Variants in CYTH3 observed in about 807,000 individuals in gnomAD.
The protein encoded by CYTH3 is cytohesin 3.
A neutral mutation model predicts 55.1 loss-of-function variants in CYTH3; 23 were observed. The ratio of observed to expected loss-of-function variants is 0.42; its 90% CI spans 0.30 to 0.59. CYTH3 has a LOEUF of 0.59. CYTH3 is among the 20% of genes least tolerant of loss of function. The pLI is 0.20. For missense variants in CYTH3, 413 were observed against 524.8 expected, an observed-to-expected ratio of 0.79 and a Z score of 2.08; for synonymous variants, 249 against 194.9, an observed-to-expected ratio of 1.28 and a Z score of -2.31.
intron 1 of CYTH3, among the ~76,000 whole-genome samples, chr7:6,206,666 G>C (rs1246707857): frequency 1.3e-5 from 2 of 152,152 alleles, no homozygotes; most frequent in Non-Finnish European, 2.9e-5. Flanking sequence ...ATCCTTAACA[G>C]AAGAAGGGAA....
In CYTH3 at chr7:6,165,254, C is replaced by A. The variant is rs374730483; in HGVS notation, c.1127+19G>T. 1 of 1,599,106 alleles carries A rather than the reference C, an allele frequency of 6.3e-7. No homozygotes were observed. Among genetic ancestry groups the A allele is most frequent in the Non-Finnish European group, 8.5e-7 (1 of 1,172,648 alleles). On this transcript the variant is annotated intron_variant, in intron 12 of 12. Transcript: ENST00000350796. ...GCACGAGAAGACGGGCCTGGCCCCG[C>A]CCCCGAGGCCCCACTCACTTGATGG...
intron 4 of CYTH3, among the ~76,000 whole-genome samples, chr7:6,180,421 A>T (rs1376349457): frequency 1.3e-5 from 2 of 152,198 alleles, no homozygotes; most frequent in Non-Finnish European, 2.9e-5. Flanking sequence ...CAGAGAGGAG[A>T]AGGTGCAGAG....
In CYTH3 at chr7:6,170,490, TG is replaced by T; in HGVS notation, c.823+44del. On this transcript the variant is annotated intron_variant, in intron 9 of 12. Coordinates refer to ENST00000350796, the MANE Select transcript of CYTH3 (RefSeq NM_004227.4). This position sits in a 1 kb window ranked among gnomAD's most constrained non-coding sequence, Gnocchi z 7.8. Reference sequence around the variant, plus strand: ...GGAGGAACCCGAGGGGCTGCTGCCATGGGCAGAGGGGTCACGCCCGGGTCCC... The same window carrying T: ...GGAGGAACCCGAGGGGCTGCTGCCATGGCAGAGGGGTCACGCCCGGGTCCC... 1 of 1,565,552 alleles carries T rather than the reference TG, an allele frequency of 6.4e-7. No individual in the cohort carries two copies. Among genetic ancestry groups the T allele is most frequent in the Non-Finnish European group, 8.8e-7 (1 of 1,142,298 alleles).
intron 1 of CYTH3, among the ~76,000 whole-genome samples, chr7:6,232,623 G>A (rs1583182748): frequency 3.9e-5 from 6 of 152,240 alleles, no homozygotes; most frequent in Admixed American, 3.9e-4. Flanking sequence ...CATTTTGCCA[G>A]TGCCAGCAAC....
intron 1 of CYTH3, among the ~76,000 whole-genome samples, chr7:6,230,155 A>T (rs1378620817): frequency 6.6e-6 from 1 of 152,192 alleles, no homozygotes; most frequent in Non-Finnish European, 1.5e-5. Context: ...AAAAATAAAC[A>T]TAAAATAAAA....
chr7:6,202,045 C>A (rs1342082619), intron 1 of CYTH3, among the ~76,000 whole-genome samples: 4 of 152,184 alleles, frequency 2.6e-5, no homozygotes, highest in African/African-American at 9.7e-5. Flanking sequence ...TGAGGTTCCT[C>A]CTCTCAAGAA....
Position 6,221,067 on chromosome 7 carries a change from G to A in CYTH3, c.35-30536C>T, listed in dbSNP as rs545317637. Among the ~76,000 whole-genome samples the A allele has an allele frequency of 4.5e-4, 68 of 151,756 alleles. 1 individual carries two copies. The highest frequency in any genetic ancestry group is 1.5e-3 in the African/African-American group (64 of 41,436). The stretch of plus-strand genomic sequence containing the variant: ...ACCTGAGAAATTTATTTATTCCAGA[G>A]AAATTAAAATGTATGCCCACACAAA... On this transcript the variant is annotated intron_variant, in intron 1 of 12. Coordinates refer to ENST00000350796, the MANE Select transcript of CYTH3 (RefSeq NM_004227.4).
intron 1 of CYTH3, among the ~76,000 whole-genome samples, chr7:6,267,228 C>A (rs1780520898): frequency 6.6e-6 from 1 of 152,170 alleles, no homozygotes; most frequent in Non-Finnish European, 1.5e-5. Context: ...AACCATGAGT[C>A]CATGAAACCT....
chr7:6,172,387 C>A (rs981616529), intron 6 of CYTH3, among the ~76,000 whole-genome samples: 3 of 151,968 alleles, frequency 2.0e-5, no homozygotes, highest in Non-Finnish European at 4.4e-5. Context: ...ACCCCTCCTC[C>A]ACCCCTCACT....
chr7:6,174,003 A>G (rs1314917360), intron 5 of CYTH3, among the ~76,000 whole-genome samples: 1 of 151,790 alleles, frequency 6.6e-6, no homozygotes, highest in Non-Finnish European at 1.5e-5. Flanking sequence ...ACCTGGCCAC[A>G]TTTTTATTTC....
At position 6,163,071 on chromosome 7, in the gene CYTH3, C is replaced by T. The variant is rs1261482230; in HGVS notation, c.*1873G>A. ...TTGCCTTTCTCAGAACTAAAACTTCCGATTTGAGGTATCAGTAACAAAGCC... is the reference window on the plus strand; with the variant it reads ...TTGCCTTTCTCAGAACTAAAACTTCTGATTTGAGGTATCAGTAACAAAGCC... On this transcript the variant is annotated 3_prime_UTR_variant, in exon 13 of 13. Transcript: ENST00000350796. 4 of 152,692 alleles carry T rather than the reference C, an allele frequency of 2.6e-5. No homozygotes were observed. The highest frequency in any genetic ancestry group is 4.4e-5 in the Non-Finnish European group (3 of 68,066). The allele number at this position is 152,692 out of a possible 1,614,324, so 9.5% of individuals were successfully genotyped here. A position where few individuals can be genotyped will look rare whatever the true frequency, so the allele number is the denominator to read the frequency against.
At chr7:6,174,237 C>T (rs1485705663) in intron 5 of CYTH3, among the ~76,000 whole-genome samples, 2 of 152,082 alleles carry the variant, frequency 1.3e-5, no homozygotes, top group Admixed American at 6.5e-5. Context: ...GCCTCAGCCT[C>T]CTAAGTAGCT....
At chr7:6,209,365 A>G (rs185842258) in intron 1 of CYTH3, among the ~76,000 whole-genome samples, 1 of 152,390 alleles carries the variant, frequency 6.6e-6, no homozygotes, top group Admixed American at 6.5e-5. Context: ...CTCAGTCATG[A>G]AAAACTAGTA....
At chr7:6,247,840 C>T (rs552708846) in intron 1 of CYTH3, among the ~76,000 whole-genome samples, 31 of 151,742 alleles carry the variant, frequency 2.0e-4, no homozygotes, top group African/African-American at 6.5e-4. Flanking sequence ...TTTGTAGAGA[C>T]GGAGGGCTTA....
At chr7:6,226,577 A>G (rs1167080392) in intron 1 of CYTH3, among the ~76,000 whole-genome samples, 1 of 152,224 alleles carries the variant, frequency 6.6e-6, no homozygotes, top group African/African-American at 2.4e-5. Context: ...CAGCCACTCC[A>G]TGGCTAATGC....
rs1783160251 is a variant in CYTH3 at position 6,170,762 on chromosome 7, C to T, written c.711+68G>A. ...GGCTTGGGAGGCGTGTCTAGAGCCG[C>T]GGGCGCTGCGGCCGCTCACAGCGAA... On this transcript the variant is annotated intron_variant, in intron 8 of 12. Transcript: ENST00000350796. The surrounding 1 kb of genome is among the most constrained non-coding windows in gnomAD (Gnocchi z 7.8). 1.9e-6 allele frequency: 3 copies of T among 1,570,518 alleles called. No homozygotes were observed. Among genetic ancestry groups the T allele is most frequent in the Admixed American group, 1.8e-5 (1 of 54,110 alleles).
chr7:6,235,416 T>G (rs1312898428), intron 1 of CYTH3, among the ~76,000 whole-genome samples: 3 of 148,096 alleles, frequency 2.0e-5, no homozygotes, highest in Non-Finnish European at 3.0e-5. Context: ...GAGGGTGCAG[T>G]CAGCCAAGAT....
chr7:6,169,619 C>A lies in CYTH3; in HGVS notation c.823+916G>T, dbSNP rs900614190. On this transcript the variant is annotated intron_variant, in intron 9 of 12. Coordinates refer to ENST00000350796, the MANE Select transcript of CYTH3 (RefSeq NM_004227.4). The surrounding 1 kb of genome is among the most constrained non-coding windows in gnomAD (Gnocchi z 4.1). ...GCGTGAACCCAGCTACCGCATCTCG[C>A]CCGCTTCACTGTGGGCATAAGGCAA... Among the ~76,000 whole-genome samples, 6 of 152,212 alleles carry A rather than the reference C, an allele frequency of 3.9e-5. No homozygotes were observed. Among genetic ancestry groups the A allele is most frequent in the Non-Finnish European group, 7.3e-5 (5 of 68,032 alleles).
rs554474156 is a variant in CYTH3, at chr7:6,165,626, G to C, written c.901-10C>G. The stretch of plus-strand genomic sequence containing the variant: ...CCCTGGGCTCCTTATCCTACAAGAG[G>C]AAAGTACACGGCGGGGCTCACTGTG... On this transcript the variant is annotated splice_polypyrimidine_tract_variant and intron_variant, in intron 10 of 12. Transcript: ENST00000350796. 3 of 1,613,744 alleles carry C rather than the reference G, an allele frequency of 1.9e-6. No individual in the cohort carries two copies. The highest frequency in any genetic ancestry group is 2.2e-5 in the East Asian group (1 of 44,880).
Sources: allele counts gnomAD v4.1 joint callset (sites outside exome capture counted in the v4.1 genomes callset), GRCh38; gene constraint gnomAD v4.1.1; non-coding constraint Gnocchi (gnomAD v3.1); transcripts MANE v1.5; gene names NCBI Gene and HGNC (gene_info 2026-07-23, HGNC 2026-07-21).